The following SPATS2 variants were observed in gnomAD, a reference collection of about 807,000 sequenced individuals.
The protein encoded by SPATS2 is spermatogenesis-associated serine-rich protein 2.
Under a neutral mutation model 63.7 loss-of-function variants are expected in SPATS2, and 38 were observed. The observed-to-expected ratio is 0.60, with a 90% CI of 0.46 to 0.78. The LOEUF is 0.78. Ranked by LOEUF, SPATS2 falls within the 30% of genes least tolerant of loss-of-function variation. The probability of loss-of-function intolerance (pLI) is 0.00; values close to 1 mark genes in which losing one functional copy is unlikely to be tolerated. For missense variants in SPATS2, 588 were observed against 666.2 expected (o/e 0.88, Z 1.29); for synonymous variants, 207 against 232.9 (o/e 0.89, Z 1.01).
At chr12:49,515,850 T>C (rs981391686) in intron 10 of SPATS2, among the ~76,000 whole-genome samples, 1 of 151,500 alleles carries the variant, frequency 6.6e-6, no homozygotes, top group Non-Finnish European at 1.5e-5. Context: ...CTACAAAAAA[T>C]AAGAAATAAG....
At chr12:49,458,067 ATTATT>A (rs1945750209) in intron 2 of SPATS2, among the ~76,000 whole-genome samples, 1 of 152,210 alleles carries the variant, frequency 6.6e-6, no homozygotes, top group African/African-American at 2.4e-5. Context: ...CAAATTGGAA[ATTATT>A]TAATATAAGT....
intron 2 of SPATS2, among the ~76,000 whole-genome samples, 180 bp downstream of exon 2, chr12:49,371,470 G>A (rs750638856): frequency 6.6e-6 from 1 of 152,084 alleles, no homozygotes; most frequent in Non-Finnish European, 1.5e-5. Context: ...TGGACATTTG[G>A]GTTCCTTCCA....
At chr12:49,445,004 G>C (rs1015247294) in intron 2 of SPATS2, among the ~76,000 whole-genome samples, 1 of 152,146 alleles carries the variant, frequency 6.6e-6, no homozygotes, top group Non-Finnish European at 1.5e-5. Context: ...TATGTGTTTG[G>C]ATTCCTTAGG....
intron 2 of SPATS2, among the ~76,000 whole-genome samples, chr12:49,409,340 C>G (rs374605666): frequency 6.6e-6 from 1 of 152,084 alleles, no homozygotes; most frequent in African/African-American, 2.4e-5. Context: ...GAGTCTCGCT[C>G]TGTCACCCAG....
At chr12:49,386,521 A>T (rs1056676113) in intron 2 of SPATS2, among the ~76,000 whole-genome samples, 7 of 152,186 alleles carry the variant, frequency 4.6e-5, no homozygotes, top group African/African-American at 1.4e-4. Context: ...TCCTCCAGCC[A>T]TATTCAGCTG....
intron 13 of SPATS2, among the ~76,000 whole-genome samples, chr12:49,525,551 A>G (rs1289396578): frequency 1.3e-5 from 2 of 152,220 alleles, no homozygotes; most frequent in South Asian, 2.1e-4. Flanking sequence ...AGCAGGCCAT[A>G]GTGATGTTTA....
Position 49,448,482 on chromosome 12 carries a change from C to T in SPATS2, c.-243-12288C>T, listed in dbSNP as rs573130433. On this transcript the variant is annotated intron_variant, in intron 2 of 13. Coordinates refer to ENST00000552918, the MANE Select transcript of SPATS2 (RefSeq NM_023071.4). ...TTCAGTTCAAAATATTTTCTAATTT[C>T]CTTTGTGAATTTTTTTTCTTTGACC... 1.1e-4 allele frequency among the ~76,000 whole-genome samples: 17 copies of T among 152,008 alleles called. No homozygotes were observed. The South Asian group carries it at 2.1e-3, about 19-fold the overall frequency.
At chr12:49,443,692 T>G (rs1436336981) in intron 2 of SPATS2, among the ~76,000 whole-genome samples, 1 of 152,184 alleles carries the variant, frequency 6.6e-6, no homozygotes, top group Non-Finnish European at 1.5e-5. Context: ...TGAGTTCATT[T>G]TTATGTATTT....
At chr12:49,367,433 C>T, upstream of SPATS2, 1 of 398,202 alleles carries the variant, frequency 2.5e-6, no homozygotes, top group East Asian at 3.6e-5. Context: ...CGGCGTCCGG[C>T]TCTGAGAGAG....
chr12:49,495,588 T>C (rs1364521573), intron 7 of SPATS2, among the ~76,000 whole-genome samples: 2 of 152,192 alleles, frequency 1.3e-5, no homozygotes. Flanking sequence ...TGTTCCATTA[T>C]TGGAACGCTG....
rs761791680 is a variant in SPATS2 at position 49,514,633 on chromosome 12, A to G, written c.898+20A>G. On this transcript the variant is annotated intron_variant, in intron 10 of 13. Coordinates refer to ENST00000552918, the MANE Select transcript of SPATS2 (RefSeq NM_023071.4). ...AAGCAAGTAAGATGATTGATCTTTA[A>G]TTAAAGCTATTACCTTCATAAATAG... The G allele has an allele frequency of 8.1e-6, 13 of 1,609,750 alleles. No individual in the cohort carries two copies. Among genetic ancestry groups the G allele is most frequent in the South Asian group, 1.1e-5 (1 of 90,392 alleles).
At chr12:49,451,157 C>T (rs1945616994) in intron 2 of SPATS2, among the ~76,000 whole-genome samples, 1 of 152,284 alleles carries the variant, frequency 6.6e-6, no homozygotes, top group Admixed American at 6.5e-5. Context: ...CAGGTGTGAG[C>T]CACCATGCCC....
intron 2 of SPATS2, among the ~76,000 whole-genome samples, chr12:49,439,659 A>G (rs573085671): frequency 4.6e-5 from 7 of 152,302 alleles, no homozygotes; most frequent in East Asian, 3.9e-4. Context: ...GGGAAAGTGT[A>G]TGCTTTGGGT....
chr12:49,491,857 G>A (rs1228100633), intron 6 of SPATS2, among the ~76,000 whole-genome samples: 1 of 152,152 alleles, frequency 6.6e-6, no homozygotes, highest in Non-Finnish European at 1.5e-5. Context: ...CCACAGCTCT[G>A]CACTGTAAAG....
At chr12:49,488,385 CG>C (rs1450423101) in intron 4 of SPATS2, among the ~76,000 whole-genome samples, 2 of 151,868 alleles carry the variant, frequency 1.3e-5, no homozygotes, top group East Asian at 3.9e-4. Flanking sequence ...AGGCCAGGTG[CG>C]GTAGCTCAAA....
intron 3 of SPATS2, among the ~76,000 whole-genome samples, chr12:49,482,364 G>C (rs906608136): frequency 4.4e-4 from 67 of 152,294 alleles, no homozygotes; most frequent in African/African-American, 1.5e-3. Flanking sequence ...TCTCTGAGGG[G>C]TAGCTGTGGG....
intron 3 of SPATS2, among the ~76,000 whole-genome samples, chr12:49,465,900 C>T (rs527948001): frequency 1.1e-4 from 17 of 152,012 alleles, no homozygotes; most frequent in African/African-American, 3.6e-4. Flanking sequence ...GCCAGGATCA[C>T]GCCATTGCAC....
At chr12:49,483,996 T>C (rs1340570086) in intron 3 of SPATS2, among the ~76,000 whole-genome samples, 1 of 152,206 alleles carries the variant, frequency 6.6e-6, no homozygotes, top group Admixed American at 6.5e-5. Flanking sequence ...AATTTGCACA[T>C]AGCCTTTTTC....
At chr12:49,403,209 C>T (rs1159063427) in intron 2 of SPATS2, among the ~76,000 whole-genome samples, 2 of 152,142 alleles carry the variant, frequency 1.3e-5, no homozygotes, top group African/African-American at 2.4e-5. Context: ...GCAGAGTGGA[C>T]GTTCCCTTTA....
Sources: allele counts gnomAD v4.1 joint callset (sites outside exome capture counted in the v4.1 genomes callset), GRCh38; gene constraint gnomAD v4.1.1; transcripts MANE v1.5; gene names NCBI Gene and HGNC (gene_info 2026-07-23, HGNC 2026-07-21).